The following HFM1 variants were observed in gnomAD, a reference collection of about 807,000 sequenced individuals.
The protein encoded by HFM1 is probable ATP-dependent DNA helicase HFM1.
A neutral mutation model predicts 192.1 loss-of-function variants in HFM1; 169 were observed. The observed-to-expected ratio is 0.88, with a 90% CI of 0.78 to 1.00. The LOEUF (loss-of-function observed/expected upper bound fraction) is 1.00. Among genes scored for constraint, HFM1 ranks in the 50% least tolerant of loss-of-function variants. The probability of loss-of-function intolerance (pLI) is 0.00; values close to 1 mark genes in which losing one functional copy is unlikely to be tolerated. For synonymous variants in HFM1, 525 were observed against 537.8 expected, an observed-to-expected ratio of 0.98 and a Z score of 0.33; for missense variants, 1,661 against 1,668.0, an observed-to-expected ratio of 1.00 and a Z score of 0.07.
At chr1:91,290,451 A>G (rs569057204) in intron 30 of HFM1, among the ~76,000 whole-genome samples, 5 of 152,346 alleles carry the variant, frequency 3.3e-5, no homozygotes, top group Admixed American at 6.5e-5. Context: ...AAAGAGACAA[A>G]GAAGGCCATT....
intron 13 of HFM1, among the ~76,000 whole-genome samples, chr1:91,360,142 T>G (rs1224265291): frequency 4.0e-5 from 6 of 151,822 alleles, no homozygotes; most frequent in Non-Finnish European, 7.4e-5. Flanking sequence ...GATAAACAAG[T>G]CTGAAAAATA....
At chr1:91,285,750 A>G (rs2100860349) in intron 30 of HFM1, among the ~76,000 whole-genome samples, 1 of 152,008 alleles carries the variant, frequency 6.6e-6, no homozygotes. Flanking sequence ...GTCCGAAAAT[A>G]TTACATGAAA....
intron 11 of HFM1, among the ~76,000 whole-genome samples, chr1:91,376,814 T>C (rs1265981096): frequency 2.6e-5 from 4 of 151,768 alleles, no homozygotes; most frequent in African/African-American, 9.7e-5. Context: ...TACAGGAAAA[T>C]AGCCTCTGGT....
intron 30 of HFM1, 93 bp downstream of exon 30, chr1:91,313,256 C>A: frequency 1.6e-6 from 1 of 621,628 alleles, no homozygotes; most frequent in Non-Finnish European, 2.7e-6. Flanking sequence ...CCAGAGTATC[C>A]TCAATCTGAG....
intron 10 of HFM1, 102 bp downstream of exon 10, chr1:91,378,301 G>C (rs539620595): frequency 1.6e-6 from 2 of 1,230,088 alleles, no homozygotes; most frequent in African/African-American, 3.1e-5. Context: ...TCCACTTGAA[G>C]GGATAAAACA....
At chr1:91,319,027 C>G in intron 25 of HFM1, 51 bp downstream of exon 25, 1 of 1,522,152 alleles carries the variant, frequency 6.6e-7, no homozygotes, top group Admixed American at 2.2e-5. Flanking sequence ...ACAGTGAATA[C>G]AAAATAAATT....
intron 13 of HFM1, among the ~76,000 whole-genome samples, chr1:91,367,364 G>A (rs1035488892): frequency 2.0e-5 from 3 of 152,136 alleles, no homozygotes; most frequent in African/African-American, 4.8e-5. Context: ...CAGTAGGGGC[G>A]GACTGACACC....
rs185830821 is a variant in HFM1 at position 91,266,705 on chromosome 1, G to A, written c.3884-598C>T. On this transcript the variant is annotated intron_variant, in intron 35 of 38. Coordinates refer to ENST00000370425, the MANE Select transcript of HFM1 (RefSeq NM_001017975.6). ...ATTTTCCCAGTGACAAAGCTGTGCC[G>A]TCTTAGGACTAGGCTACCTCAAAGG... is the stretch of plus-strand genomic sequence containing the variant. 1.8e-4 allele frequency among the ~76,000 whole-genome samples: 28 copies of A among 152,234 alleles called. No homozygotes were observed. In the East Asian group the frequency reaches 2.3e-3, roughly 13 times the overall value.
intron 4 of HFM1, among the ~76,000 whole-genome samples, chr1:91,392,354 C>G (rs2102128155): frequency 6.6e-6 from 1 of 152,292 alleles, no homozygotes; most frequent in Middle Eastern, 3.4e-3. Context: ...ACCAAATGTC[C>G]ATCAATGATA....
intron 30 of HFM1, among the ~76,000 whole-genome samples, chr1:91,278,816 A>G (rs756330487): frequency 1.3e-5 from 2 of 152,166 alleles, no homozygotes; most frequent in Non-Finnish European, 2.9e-5. Context: ...AGTATTCCCA[A>G]TTGAGCAAAC....
intron 13 of HFM1, among the ~76,000 whole-genome samples, chr1:91,363,096 C>T (rs1429704448): frequency 6.6e-6 from 1 of 152,082 alleles, no homozygotes; most frequent in African/African-American, 2.4e-5. Context: ...CTAGGCAATA[C>T]CCTTCAAGTC....
chr1:91,382,748 T>G (rs1261312902), intron 6 of HFM1, among the ~76,000 whole-genome samples: 1 of 152,208 alleles, frequency 6.6e-6, no homozygotes. Flanking sequence ...AATGAATCTT[T>G]GATTCAGAGT....
intron 20 of HFM1, among the ~76,000 whole-genome samples, chr1:91,336,813 A>G (rs1654638267): frequency 6.6e-6 from 1 of 152,206 alleles, no homozygotes; most frequent in Admixed American, 6.5e-5. Context: ...TCACAATATC[A>G]AAGACATGGA....
At chr1:91,352,357 T>G (rs901861160) in intron 16 of HFM1, 149 bp downstream of exon 16, 1 of 535,308 alleles carries the variant, frequency 1.9e-6, no homozygotes, top group Non-Finnish European at 3.2e-6. Context: ...GTGAGGCTTG[T>G]CTTACTTTTA....
intron 6 of HFM1, among the ~76,000 whole-genome samples, chr1:91,382,846 T>C (rs1156605355): frequency 6.6e-6 from 1 of 152,180 alleles, no homozygotes; most frequent in Non-Finnish European, 1.5e-5. Context: ...TTTTTTTCCT[T>C]ACATTCAATA....
chr1:91,270,891 CTGAG>C (rs548500046), intron 34 of HFM1, among the ~76,000 whole-genome samples: 17 of 152,110 alleles, frequency 1.1e-4, no homozygotes, highest in Admixed American at 1.3e-4. Flanking sequence ...GATGAGCATA[CTGAG>C]TGTCAATTGC....
At chr1:91,306,690 C>T (rs1649660272) in intron 30 of HFM1, among the ~76,000 whole-genome samples, 1 of 151,746 alleles carries the variant, frequency 6.6e-6, no homozygotes, top group Non-Finnish European at 1.5e-5. Context: ...ACACACTGGC[C>T]TCATTAAAAA....
intron 20 of HFM1, chr1:91,328,548 G>T: frequency 6.2e-7 from 1 of 1,612,478 alleles, no homozygotes; most frequent in Non-Finnish European, 8.5e-7. Context: ...TGCAGAACGA[G>T]GAGGGTGAGA....
intron 19 of HFM1, 52 bp from the exon 20 acceptor site, chr1:91,343,562 GA>G (rs776763917): frequency 1.4e-5 from 10 of 699,514 alleles, no homozygotes; most frequent in Non-Finnish European, 2.1e-5. Context: ...GGGAAGTAGG[GA>G]AAAATAATTT....
Sources: allele counts gnomAD v4.1 joint callset (sites outside exome capture counted in the v4.1 genomes callset), GRCh38; gene constraint gnomAD v4.1.1; transcripts MANE v1.5; gene names NCBI Gene and HGNC (gene_info 2026-07-23, HGNC 2026-07-21).